PLCG2: variants seen among roughly 807,000 people sequenced by gnomAD.
PLCG2 encodes the protein 1-phosphatidylinositol 4,5-bisphosphate phosphodiesterase gamma-2.
Under a neutral mutation model 175.6 loss-of-function variants are expected in PLCG2, and 69 were observed. The ratio of observed to expected loss-of-function variants is 0.39; its 90% CI spans 0.32 to 0.48. The LOEUF (loss-of-function observed/expected upper bound fraction) is 0.48, where lower values mean the gene tolerates loss of function less well. Ranked by LOEUF, PLCG2 falls within the 20% of genes least tolerant of loss-of-function variation. PLCG2 has a pLI of 0.91. For missense variants in PLCG2, 1,798 were observed against 1,650.9 expected, an observed-to-expected ratio of 1.09 and a Z score of -1.54; for synonymous variants, 827 against 624.0, an observed-to-expected ratio of 1.33 and a Z score of -4.85.
In PLCG2 at chr16:81,886,210, C is replaced by T. The variant is rs372356083; in HGVS notation, c.765+2869C>T. The stretch of plus-strand genomic sequence containing the variant: ...CACCTAGTGGTGGTTGACTTTATTA[C>T]GTGCTTTCCCCAAACGGGGCCCTTT... On this transcript the variant is annotated intron_variant, in intron 9 of 32. Transcript: ENST00000564138. Among the ~76,000 whole-genome samples, 15 of 152,282 alleles carry T rather than the reference C, an allele frequency of 9.9e-5. No homozygotes were observed. In the East Asian group the frequency reaches 1.9e-3, roughly 20 times the overall value.
At chr16:81,877,320 G>C (rs183640182) in intron 7 of PLCG2, among the ~76,000 whole-genome samples, 4 of 152,206 alleles carry the variant, frequency 2.6e-5, no homozygotes, top group Admixed American at 6.5e-5. Context: ...GCTGGGCATA[G>C]TGGCGGGTGC....
chr16:81,795,937 C>T (rs955804538), intron 2 of PLCG2, among the ~76,000 whole-genome samples: 6 of 152,208 alleles, frequency 3.9e-5, no homozygotes, highest in South Asian at 4.1e-4. Flanking sequence ...ATGCCCTAGC[C>T]GCATGCTAGA....
At chr16:81,804,396 A>G (rs1215746653) in intron 2 of PLCG2, among the ~76,000 whole-genome samples, 1 of 152,130 alleles carries the variant, frequency 6.6e-6, no homozygotes, top group Non-Finnish European at 1.5e-5. Flanking sequence ...GGGCCCCAGC[A>G]TTGTCTTCTG....
chr16:81,892,987 G>A (rs1007836970), intron 11 of PLCG2, among the ~76,000 whole-genome samples: 1 of 151,572 alleles, frequency 6.6e-6, no homozygotes, highest in Non-Finnish European at 1.5e-5. Context: ...TGGGACTCCG[G>A]GCACGAGCCA....
At chr16:81,774,778 G>A (rs1212522109), upstream of PLCG2, among the ~76,000 whole-genome samples, 1 of 149,796 alleles carries the variant, frequency 6.7e-6, no homozygotes, top group Admixed American at 6.7e-5. Flanking sequence ...TTACTCTGTT[G>A]CCCAGGCTGG....
In PLCG2 at chr16:81,886,292, C is replaced by A. The variant is rs543579377; in HGVS notation, c.766-2880C>A. Among the ~76,000 whole-genome samples the A allele has an allele frequency of 4.3e-4, 65 of 152,322 alleles. No homozygotes were observed. In the Middle Eastern group the frequency reaches 0.02, roughly 48 times the overall value. ...GGCCAGGAGAAAGTGTAGGAAATCTCTCTCTCTGCATCTGGGGAGTTAGGA... is the reference window on the plus strand; with the variant it reads ...GGCCAGGAGAAAGTGTAGGAAATCTATCTCTCTGCATCTGGGGAGTTAGGA... On this transcript the variant is annotated intron_variant, in intron 9 of 32. Coordinates refer to ENST00000564138, the MANE Select transcript of PLCG2 (RefSeq NM_002661.5).
At chr16:81,895,431 G>T (rs905304796) in intron 12 of PLCG2, among the ~76,000 whole-genome samples, 1 of 152,112 alleles carries the variant, frequency 6.6e-6, no homozygotes, top group African/African-American at 2.4e-5. Flanking sequence ...GTGATGGTAC[G>T]CGCCTGTAGT....
intron 2 of PLCG2, among the ~76,000 whole-genome samples, chr16:81,812,837 G>C (rs1008168866): frequency 2.0e-5 from 3 of 152,078 alleles, no homozygotes; most frequent in Non-Finnish European, 4.4e-5. Context: ...TATCCATCTT[G>C]AGTTAATTTT....
intron 7 of PLCG2, 67 bp from the exon 8 acceptor site, chr16:81,880,843 A>G: frequency 6.8e-7 from 1 of 1,468,900 alleles, no homozygotes; most frequent in Non-Finnish European, 9.5e-7. Context: ...AACAACAAAA[A>G]TCTTTCCGTT....
At chr16:81,753,465 C>G (rs1366209540) in intron 1 of PLCG2, among the ~76,000 whole-genome samples, 2 of 148,264 alleles carry the variant, frequency 1.3e-5, no homozygotes, top group Non-Finnish European at 3.0e-5. Flanking sequence ...GTTGCCCAAG[C>G]TGGAGTGCAG....
chr16:81,817,764 G>C (rs1904615404), intron 2 of PLCG2, among the ~76,000 whole-genome samples: 1 of 152,228 alleles, frequency 6.6e-6, no homozygotes, highest in African/African-American at 2.4e-5. Context: ...TGGGGTTACA[G>C]GCATAAGCCC....
upstream of PLCG2, among the ~76,000 whole-genome samples, chr16:81,776,490 T>C (rs1443551750): frequency 6.6e-6 from 1 of 152,168 alleles, no homozygotes; most frequent in East Asian, 1.9e-4. Context: ...CCTATTATCC[T>C]TGGGAAAAGA....
intron 2 of PLCG2, among the ~76,000 whole-genome samples, chr16:81,763,827 C>T (rs547522108): frequency 5.3e-5 from 8 of 150,814 alleles, no homozygotes; most frequent in East Asian, 2.0e-4. Context: ...ATTAGCTGGG[C>T]GTGGTGGCAG....
At chr16:81,837,600 C>G (rs1905587075) in intron 2 of PLCG2, among the ~76,000 whole-genome samples, 1 of 152,094 alleles carries the variant, frequency 6.6e-6, no homozygotes, top group African/African-American at 2.4e-5. Context: ...GGAGCCTGAA[C>G]CAAGGTTGGG....
At chr16:81,921,557 T>C in intron 21 of PLCG2, 1 of 427,086 alleles carries the variant, frequency 2.3e-6, no homozygotes, top group African/African-American at 2.0e-5. Flanking sequence ...CTTTCAAATG[T>C]TTTTGGCTCG....
intron 21 of PLCG2, among the ~76,000 whole-genome samples, chr16:81,922,099 T>C (rs894934277): frequency 1.3e-5 from 2 of 152,128 alleles, no homozygotes; most frequent in African/African-American, 2.4e-5. Flanking sequence ...TATCCACCCT[T>C]GAAGCAGGAT....
At chr16:81,782,454 C>T (rs993825177) in intron 1 of PLCG2, among the ~76,000 whole-genome samples, 2 of 152,004 alleles carry the variant, frequency 1.3e-5, no homozygotes. Flanking sequence ...GTGGCTGGTG[C>T]TCTCTCCTGG....
At position 81,893,739 on chromosome 16, in the gene PLCG2, G is replaced by A; in HGVS notation, c.1017G>A (p.Glu339=). ...TYLTGDQLRS[E]SSPEAYIRCL... Reference sequence around the variant, plus strand: ...TTACAGGTGACCAGCTGCGGAGCGAGTCGTCCCCAGAAGCTTACATCCGCT... The same window carrying A: ...TTACAGGTGACCAGCTGCGGAGCGAATCGTCCCCAGAAGCTTACATCCGCT... Residue 339 remains glutamate (E), a synonymous_variant, in exon 12 of 33, where the codon GAG becomes GAA. Coordinates refer to ENST00000564138, the MANE Select transcript of PLCG2 (RefSeq NM_002661.5). 1 of 1,612,582 alleles carries A rather than the reference G, an allele frequency of 6.2e-7. No homozygotes were observed. Among genetic ancestry groups the A allele is most frequent in the Non-Finnish European group, 8.5e-7 (1 of 1,179,474 alleles).
chr16:81,931,738 C>T lies in PLCG2; in HGVS notation c.2739+84C>T, dbSNP rs765924744. 6.7e-5 allele frequency: 83 copies of T among 1,244,678 alleles called. 1 individual carries two copies. In the South Asian group the frequency reaches 8.5e-4, roughly 13 times the overall value. 77.1% of individuals were successfully genotyped at this position (1,244,678 alleles called of 1,614,324 possible). The stretch of plus-strand genomic sequence containing the variant: ...AGTTGGGACTGTGGGTGGGTCCAGG[C>T]AGCAGGATGAGCAGGCCCAGGTCCT... On this transcript the variant is annotated intron_variant, in intron 25 of 32. Coordinates refer to ENST00000564138, the MANE Select transcript of PLCG2 (RefSeq NM_002661.5).
Sources: allele counts gnomAD v4.1 joint callset (sites outside exome capture counted in the v4.1 genomes callset), GRCh38; gene constraint gnomAD v4.1.1; transcripts MANE v1.5; gene names NCBI Gene and HGNC (gene_info 2026-07-23, HGNC 2026-07-21).